ANKRD27: variants seen among roughly 807,000 people sequenced by gnomAD.
ANKRD27 encodes the protein ankyrin repeat domain 27.
In ANKRD27, 112 loss-of-function variants were observed where a neutral mutation model predicts 129.7. The ratio of observed to expected loss-of-function variants is 0.86; its 90% CI spans 0.74 to 1.01. The LOEUF (loss-of-function observed/expected upper bound fraction) is 1.01. Among genes scored for constraint, ANKRD27 ranks in the 50% least tolerant of loss-of-function variants. ANKRD27 has a pLI of 0.00. For missense variants in ANKRD27, 1,258 were observed against 1,300.5 expected (o/e 0.97, Z 0.50); for synonymous variants, 516 against 511.2 (o/e 1.01, Z -0.13).
Position 32,597,490 on chromosome 19 carries a change from A to C in ANKRD27, c.*655T>G, listed in dbSNP as rs907372485. Reference sequence around the variant, plus strand: ...CTACAGGTGCACGTGTAGTAACCGAATATCTGTACCTACTTGTTAGAAGGA... The same window carrying C: ...CTACAGGTGCACGTGTAGTAACCGACTATCTGTACCTACTTGTTAGAAGGA... On this transcript the variant is annotated 3_prime_UTR_variant, in exon 29 of 29. Coordinates refer to ENST00000306065, the MANE Select transcript of ANKRD27 (RefSeq NM_032139.3). 2 of 153,116 alleles carry C rather than the reference A, an allele frequency of 1.3e-5. No individual in the cohort carries two copies. Among genetic ancestry groups the C allele is most frequent in the Non-Finnish European group, 2.9e-5 (2 of 68,494 alleles). The allele number at this position is 153,116 out of a possible 1,614,324, so 9.5% of individuals were successfully genotyped here. A position where few individuals can be genotyped will look rare whatever the true frequency, so the allele number is the denominator to read the frequency against.
intron 25 of ANKRD27, 133 bp from the exon 26 acceptor site, chr19:32,602,259 T>C: frequency 1.6e-6 from 1 of 621,576 alleles, no homozygotes; most frequent in Non-Finnish European, 2.8e-6. Context: ...AAATGGAGCT[T>C]GGAGGCCATA....
intron 1 of ANKRD27, among the ~76,000 whole-genome samples, chr19:32,660,323 AC>A (rs1967620367): frequency 6.6e-6 from 1 of 152,140 alleles, no homozygotes; most frequent in South Asian, 2.1e-4. Context: ...CGGGAGGATC[AC>A]CTGAGGTCAG....
In ANKRD27 at chr19:32,618,621, TGGTCCTCCAAGA is replaced by T. The variant is rs531318405; in HGVS notation, c.2007+627_2007+638del. 4.0e-4 allele frequency among the ~76,000 whole-genome samples: 61 copies of T among 152,254 alleles called. 1 individual carries two copies. In the East Asian group the frequency reaches 4.6e-3, roughly 12 times the overall value. ...GGCTTTGCATGGAGCTAAGCTCACTTGGTCCTCCAAGAGCATGTCACGGCTTGTGGGTAGTGG... is the reference window on the plus strand; with the variant it reads ...GGCTTTGCATGGAGCTAAGCTCACTTGCATGTCACGGCTTGTGGGTAGTGG... On this transcript the variant is annotated intron_variant, in intron 20 of 28. Coordinates refer to ENST00000306065, the MANE Select transcript of ANKRD27 (RefSeq NM_032139.3).
At position 32,599,989 on chromosome 19, in the gene ANKRD27, G is replaced by A; in HGVS notation, c.2829C>T (p.His943=). ...EPFTRQFYFV[H]SAGQFKGKTS... The stretch of plus-strand genomic sequence containing the variant: ...ATACTCACTTAAACTGACCAGCTGA[G>A]TGGACAAAGTAAAACTGTCTTGTAA... The change falls in exon 27 of 29, where the codon CAC becomes CAT. Residue 943 remains histidine (H), a synonymous_variant. Transcript: ENST00000306065. 1.2e-6 allele frequency: 2 copies of A among 1,612,868 alleles called. No individual in the cohort carries two copies. The highest frequency in any genetic ancestry group is 1.7e-6 in the Non-Finnish European group (2 of 1,179,146).
chr19:32,602,633 C>T (rs1315389373), intron 25 of ANKRD27, among the ~76,000 whole-genome samples: 3 of 152,056 alleles, frequency 2.0e-5, no homozygotes, highest in Non-Finnish European at 4.4e-5. Flanking sequence ...TGGCTCACGC[C>T]TGTAATCTCA....
rs572926321 is a variant in ANKRD27, at chr19:32,620,132, T to C, written c.1828-579A>G. On this transcript the variant is annotated intron_variant, in intron 18 of 28. Coordinates refer to ENST00000306065, the MANE Select transcript of ANKRD27 (RefSeq NM_032139.3). Reference sequence around the variant, plus strand: ...CTCTGCCTGCCAGAAAGCTGCGACCTTGGCAGTATTCAGGGGGTACAGCCG... The same window carrying C: ...CTCTGCCTGCCAGAAAGCTGCGACCCTGGCAGTATTCAGGGGGTACAGCCG... Among the ~76,000 whole-genome samples, 6 of 152,130 alleles carry C rather than the reference T, an allele frequency of 3.9e-5. No individual in the cohort carries two copies. The East Asian group carries it at 1.2e-3, about 29-fold the overall frequency.
chr19:32,640,711 G>A (rs1967183354), intron 10 of ANKRD27, among the ~76,000 whole-genome samples: 1 of 152,146 alleles, frequency 6.6e-6, no homozygotes, highest in Non-Finnish European at 1.5e-5. Flanking sequence ...AGGCCAGCCT[G>A]GGCAATATAG....
At chr19:32,628,671 G>A (rs1568406012) in intron 14 of ANKRD27, 51 bp downstream of exon 14, 3 of 1,609,206 alleles carry the variant, frequency 1.9e-6, no homozygotes, top group African/African-American at 2.7e-5. Context: ...AGGTCCAGGA[G>A]GCCTGTCTCC....
chr19:32,647,413 C>T (rs139059669), intron 3 of ANKRD27, among the ~76,000 whole-genome samples: 20 of 152,170 alleles, frequency 1.3e-4, no homozygotes, highest in African/African-American at 4.6e-4. Flanking sequence ...GGGTATGTGT[C>T]GTTTTGTTTT....
At chr19:32,615,584 A>AAAAAACAAAAAC (rs1223920696) in intron 22 of ANKRD27, 74 bp downstream of exon 22, 1 of 1,612,590 alleles carries the variant, frequency 6.2e-7, no homozygotes, top group Admixed American at 1.7e-5. Context: ...ACCCTGTCTC[A>AAAAAACAAAAAC]AAAAACAAAA....
chr19:32,669,242 C>A (rs1422989654), intron 1 of ANKRD27, among the ~76,000 whole-genome samples: 1 of 152,284 alleles, frequency 6.6e-6, no homozygotes, highest in East Asian at 1.9e-4. Context: ...TTGAAAAAGG[C>A]CTGTGAGCTC....
chr19:32,617,758 T>A, intron 20 of ANKRD27, 125 bp from the exon 21 acceptor site: 2 of 352,808 alleles, frequency 5.7e-6, no homozygotes, highest in Admixed American at 4.2e-5. Context: ...ATTTAGTTTT[T>A]TTTTTTTTTT....
At position 32,639,378 on chromosome 19, in the gene ANKRD27, C is replaced by T; in HGVS notation, c.1094G>A (p.Gly365Glu). 6.2e-7 allele frequency: 1 copy of T among 1,614,226 alleles called. No individual in the cohort carries two copies. The highest frequency in any genetic ancestry group is 8.5e-7 in the Non-Finnish European group (1 of 1,180,038). ...TACAGGGGGTTTAGCAGAGAGGCTT[C>T]CTTGCCGAATATATTCAATGGCAGC... The part of the protein sequence containing the change: ...FEAAIEYIRQ[G>E]SLSAKPPESE... Residue 365 changes from glycine to glutamate, a missense_variant, in exon 12 of 29, where the codon GGA becomes GAA. Physicochemically the swap from Gly to Glu is moderately conservative, Grantham distance 98. Transcript: ENST00000306065.
At chr19:32,613,706 CTTTTTTT>C (rs58394462) in intron 22 of ANKRD27, among the ~76,000 whole-genome samples, 1 of 132,994 alleles carries the variant, frequency 7.5e-6, no homozygotes, top group Non-Finnish European at 1.6e-5. Flanking sequence ...ATTTATGTAA[CTTTTTTT>C]TTTTTTTTTT....
rs386388881 is a variant in ANKRD27 at position 32,601,611 on chromosome 19, CAA to C, written c.2767+402_2767+403del. ...TGGGTGACAGAGCGAGACTCTGTCT[CAA>C]AAAAAAAAAAAAAAAAAAAATCTTG... On this transcript the variant is annotated intron_variant, in intron 26 of 28. Coordinates refer to ENST00000306065, the MANE Select transcript of ANKRD27 (RefSeq NM_032139.3). 8.4e-3 allele frequency among the ~76,000 whole-genome samples: 544 copies of C among 65,110 alleles called. 3 individuals are homozygous for C. Among genetic ancestry groups the C allele is most frequent in the African/African-American group, 0.018 (323 of 18,208 alleles). 42.7% of individuals were successfully genotyped at this position (65,110 alleles called of 152,430 possible). A position where few individuals can be genotyped will look rare whatever the true frequency, so the allele number is the denominator to read the frequency against.
At chr19:32,598,992 A>G (rs147598079) in intron 28 of ANKRD27, among the ~76,000 whole-genome samples, 3,677 of 152,258 alleles carry the variant, frequency 0.024, 69 homozygotes, top group Middle Eastern at 0.068. Flanking sequence ...TTAAAAATGC[A>G]GTAGGGTCCG....
At chr19:32,626,064 C>T (rs1599748120) in intron 16 of ANKRD27, 98 bp from the exon 17 acceptor site, 4 of 856,612 alleles carry the variant, frequency 4.7e-6, no homozygotes, top group East Asian at 5.9e-5. Flanking sequence ...CTCCCATCTT[C>T]GATCTTATTT....
chr19:32,634,454 C>T (rs999520523), intron 12 of ANKRD27, among the ~76,000 whole-genome samples: 4 of 152,224 alleles, frequency 2.6e-5, no homozygotes, highest in Non-Finnish European at 5.9e-5. Context: ...CAGAACCAAC[C>T]ATACTCCATC....
intron 26 of ANKRD27, among the ~76,000 whole-genome samples, chr19:32,601,807 TTAC>T (rs947658253): frequency 8.5e-5 from 13 of 152,098 alleles, no homozygotes; most frequent in Admixed American, 6.6e-4. Flanking sequence ...GGAAACATCA[TTAC>T]CATCAACCAG....
Sources: allele counts gnomAD v4.1 joint callset (sites outside exome capture counted in the v4.1 genomes callset), GRCh38; gene constraint gnomAD v4.1.1; transcripts MANE v1.5; gene names NCBI Gene and HGNC (gene_info 2026-07-23, HGNC 2026-07-21).